COL22A1: variants seen among roughly 807,000 people sequenced by gnomAD.
COL22A1 encodes the protein collagen alpha-1(XXII) chain.
Under a neutral mutation model 248.9 loss-of-function variants are expected in COL22A1, and 221 were observed. The observed-to-expected ratio is 0.89, with a 90% CI of 0.80 to 0.99. The LOEUF is 0.99. Among genes scored for constraint, COL22A1 ranks in the 50% least tolerant of loss-of-function variants. The pLI is 0.00. For synonymous variants in COL22A1, 891 were observed against 793.4 expected, an observed-to-expected ratio of 1.12 and a Z score of -2.07; for missense variants, 2,240 against 2,179.0, an observed-to-expected ratio of 1.03 and a Z score of -0.56.
At chr8:138,599,237 G>A (rs1817799668) in intron 60 of COL22A1, among the ~76,000 whole-genome samples, 1 of 152,180 alleles carries the variant, frequency 6.6e-6, no homozygotes, top group Non-Finnish European at 1.5e-5. Flanking sequence ...AGCACTCTGG[G>A]AGGCCGAGGC....
At chr8:138,670,264 C>A (rs1391324141) in intron 41 of COL22A1, among the ~76,000 whole-genome samples, 1 of 152,262 alleles carries the variant, frequency 6.6e-6, no homozygotes, top group African/African-American at 2.4e-5. Flanking sequence ...AATACAGGAG[C>A]CCTGGAGTCT....
intron 45 of COL22A1, among the ~76,000 whole-genome samples, chr8:138,653,273 C>T (rs1029425957): frequency 6.6e-6 from 1 of 152,168 alleles, no homozygotes; most frequent in Non-Finnish European, 1.5e-5. Context: ...GTTGTGTAGC[C>T]TTCATCTCCG....
In COL22A1 at chr8:138,762,826, G is replaced by A. The variant is rs147093732; in HGVS notation, c.1804-360C>T. Among the ~76,000 whole-genome samples the A allele has an allele frequency of 1.6e-3, 246 of 152,300 alleles. 1 individual carries two copies. Among genetic ancestry groups the A allele is most frequent in the African/African-American group, 5.7e-3 (237 of 41,560 alleles). The stretch of plus-strand genomic sequence containing the variant: ...TGTAATGCAGTTCATAAAATTGCAG[G>A]TGTATTTTATGCATCATTCATTTGT... On this transcript the variant is annotated intron_variant, in intron 16 of 64. Transcript: ENST00000303045.
At chr8:138,858,494 C>T (rs951299004) in intron 3 of COL22A1, among the ~76,000 whole-genome samples, 1 of 152,140 alleles carries the variant, frequency 6.6e-6, no homozygotes, top group Admixed American at 6.5e-5. Context: ...GATCCCCCCA[C>T]CCCAGCTTCC....
chr8:138,638,249 A>T (rs1379275357), intron 47 of COL22A1, among the ~76,000 whole-genome samples: 1 of 152,242 alleles, frequency 6.6e-6, no homozygotes, highest in Non-Finnish European at 1.5e-5. Context: ...AAACAAAAAC[A>T]TTTCAATTCC....
At chr8:138,643,830 G>C (rs1474257098) in intron 47 of COL22A1, among the ~76,000 whole-genome samples, 2 of 152,098 alleles carry the variant, frequency 1.3e-5, no homozygotes, top group African/African-American at 4.8e-5. Context: ...CTCCCAAGTA[G>C]CTGGGATTAC....
At position 138,631,532 on chromosome 8, in the gene COL22A1, T is replaced by C. The variant is rs184639961; in HGVS notation, c.3610-784A>G. Among the ~76,000 whole-genome samples the C allele has an allele frequency of 1.1e-4, 17 of 152,272 alleles. No homozygotes were observed. In the East Asian group the frequency reaches 2.1e-3, roughly 19 times the overall value. On this transcript the variant is annotated intron_variant, in intron 49 of 64. Coordinates refer to ENST00000303045, the MANE Select transcript of COL22A1 (RefSeq NM_152888.3). ...ATCTTCCAGGAGATTAGGAAGGCAA[T>C]TGCTGTGTCAACTCAAGGGTGAAGA...
intron 23 of COL22A1, among the ~76,000 whole-genome samples, chr8:138,732,974 T>C (rs1009767201): frequency 1.3e-5 from 2 of 152,240 alleles, no homozygotes; most frequent in South Asian, 2.1e-4. Context: ...CCTTCGTGAC[T>C]TGGACATGTT....
chr8:138,621,485 T>C (rs1267253192), intron 52 of COL22A1, among the ~76,000 whole-genome samples: 24 of 152,160 alleles, frequency 1.6e-4, no homozygotes, highest in Non-Finnish European at 2.9e-5. Flanking sequence ...AAAATAGGCA[T>C]TGAGTAAACA....
In COL22A1 at chr8:138,826,667, G is replaced by C; in HGVS notation, c.960C>G (p.Ser320Arg). 6.2e-7 allele frequency: 1 copy of C among 1,613,832 alleles called. No individual in the cohort carries two copies. Among genetic ancestry groups the C allele is most frequent in the Non-Finnish European group, 8.5e-7 (1 of 1,179,816 alleles). Residue 320 changes from serine to arginine, a missense_variant, in exon 6 of 65, where the codon AGC (serine) becomes AGG (arginine). Transcript: ENST00000303045. The part of the protein sequence containing the change: ...WYIWQVIDQY[S>R]IPQVSIRLDG... ...CATCTGCTGCCCTTACCTGTGGGAT[G>C]CTGTACTGGTCGATGACCTGCCAGA...
chr8:138,641,389 A>G (rs1414553034), intron 47 of COL22A1, among the ~76,000 whole-genome samples: 2 of 152,156 alleles, frequency 1.3e-5, no homozygotes, highest in Non-Finnish European at 2.9e-5. Context: ...GAAGGAAATA[A>G]AAACGCTTTT....
chr8:138,649,490 C>T (rs1034031842), intron 46 of COL22A1, among the ~76,000 whole-genome samples, 175 bp downstream of exon 46: 8 of 152,172 alleles, frequency 5.3e-5, no homozygotes, highest in African/African-American at 1.9e-4. Flanking sequence ...CCCATAGATA[C>T]CCACTTCCTA....
intron 34 of COL22A1, 64 bp from the exon 35 acceptor site, chr8:138,693,763 G>T: frequency 1.3e-6 from 2 of 1,510,628 alleles, no homozygotes; most frequent in Non-Finnish European, 1.8e-6. Flanking sequence ...TCCCCTCACA[G>T]CAGGGAGGTC....
chr8:138,828,749 C>CA (rs375318134), intron 5 of COL22A1, among the ~76,000 whole-genome samples: 3,329 of 131,320 alleles, frequency 0.025, 113 homozygotes, highest in African/African-American at 0.08. Flanking sequence ...GACTCCATCT[C>CA]AAAAAAAAAA....
intron 6 of COL22A1, among the ~76,000 whole-genome samples, chr8:138,825,173 C>T (rs1303696683): frequency 6.6e-6 from 1 of 152,172 alleles, no homozygotes; most frequent in Non-Finnish European, 1.5e-5. Flanking sequence ...TGGACTTCTC[C>T]AGAAAAGTGG....
chr8:138,799,736 C>T (rs532341121), intron 11 of COL22A1, among the ~76,000 whole-genome samples: 1 of 152,298 alleles, frequency 6.6e-6, no homozygotes, highest in East Asian at 1.9e-4. Flanking sequence ...TTACTATTTT[C>T]TGCAATGCTA....
chr8:138,649,475 A>C (rs1241179488), intron 46 of COL22A1, among the ~76,000 whole-genome samples, 190 bp downstream of exon 46: 3 of 152,216 alleles, frequency 2.0e-5, no homozygotes, highest in East Asian at 1.9e-4. Flanking sequence ...TTAAAGTGAC[A>C]AAGACCCATA....
intron 40 of COL22A1, among the ~76,000 whole-genome samples, chr8:138,677,523 G>GTAATTTCAATTATTTTGAAATTATTCA (rs1825660556): frequency 1.0e-5 from 1 of 96,442 alleles, no homozygotes; most frequent in Non-Finnish European, 2.1e-5. Context: ...CGCCTTATTC[G>GTAATTTCAATTATTTTGAAATTATTCA]TAATTTCAAA....
In COL22A1 at chr8:138,844,138, G is replaced by C; in HGVS notation, c.679C>G (p.Arg227Gly). 1 of 1,614,096 alleles carries C rather than the reference G, an allele frequency of 6.2e-7. No individual in the cohort carries two copies. Among genetic ancestry groups the C allele is most frequent in the Non-Finnish European group, 8.5e-7 (1 of 1,180,012 alleles). ...LCENVLCPSV[R>G]VEGDRFKHTN... ...TGCTTAAAGCGATCTCCTTCTACAC[G>C]AACGCTAGGACAGAGCACATCTGAG... Residue 227 changes from arginine to glycine, a missense_variant, in exon 4 of 65, where the codon CGT becomes GGT. Coordinates refer to ENST00000303045, the MANE Select transcript of COL22A1 (RefSeq NM_152888.3).
Sources: allele counts gnomAD v4.1 joint callset (sites outside exome capture counted in the v4.1 genomes callset), GRCh38; gene constraint gnomAD v4.1.1; transcripts MANE v1.5; gene names NCBI Gene and HGNC (gene_info 2026-07-23, HGNC 2026-07-21).